The following CSMD3 variants were observed in gnomAD, a reference collection of about 807,000 sequenced individuals.
CSMD3 encodes CUB and Sushi multiple domains 3, also known as CUB and sushi domain-containing protein 3.
CSMD3 carries 177 observed loss-of-function variants against 435.2 expected under a neutral mutation model. The observed-to-expected ratio is 0.41, with a 90% CI of 0.36 to 0.46. The LOEUF (loss-of-function observed/expected upper bound fraction) is 0.46. CSMD3 is among the 20% of genes least tolerant of loss of function. CSMD3 has a pLI of 0.34. For missense variants in CSMD3, 4,265 were observed against 4,504.6 expected (o/e 0.95, Z 1.52); for synonymous variants, 1,656 against 1,520.5 (o/e 1.09, Z -2.07).
At chr8:112,260,401 G>A (rs73709203) in intron 61 of CSMD3, among the ~76,000 whole-genome samples, 4,525 of 152,204 alleles carry the variant, frequency 0.03, 235 homozygotes, top group African/African-American at 0.1. Context: ...AAAATGTCAT[G>A]ACTAATCCTA....
chr8:113,094,202 T>C (rs2090093622), intron 5 of CSMD3, among the ~76,000 whole-genome samples: 2 of 152,190 alleles, frequency 1.3e-5, no homozygotes. Context: ...CAATCACTCA[T>C]TCCCTAACTT....
intron 17 of CSMD3, among the ~76,000 whole-genome samples, chr8:112,662,835 C>T (rs2075420178): frequency 6.6e-6 from 1 of 152,082 alleles, no homozygotes; most frequent in Admixed American, 6.6e-5. Context: ...AAGAAAAAAA[C>T]TAACAACTCC....
chr8:112,814,539 T>C (rs1188845885), intron 12 of CSMD3, among the ~76,000 whole-genome samples: 1 of 152,140 alleles, frequency 6.6e-6, no homozygotes, highest in African/African-American at 2.4e-5. Context: ...TCCCAGCACT[T>C]TGGGAGACCG....
chr8:113,098,603 A>G (rs1421067091), intron 5 of CSMD3, 153 bp downstream of exon 5: 2 of 623,254 alleles, frequency 3.2e-6, no homozygotes, highest in African/African-American at 3.7e-5. Flanking sequence ...TCGATCTTCA[A>G]AAATATCCTT....
intron 38 of CSMD3, among the ~76,000 whole-genome samples, chr8:112,378,315 C>G (rs1829146665): frequency 6.6e-6 from 1 of 151,708 alleles, no homozygotes. Flanking sequence ...AAAAATCTCA[C>G]TGCCGGATAT....
At chr8:112,596,285 G>T (rs1176670378) in intron 22 of CSMD3, among the ~76,000 whole-genome samples, 2 of 152,138 alleles carry the variant, frequency 1.3e-5, no homozygotes, top group East Asian at 3.9e-4. Context: ...TTACATAATG[G>T]TAAAGGGATC....
At chr8:112,275,378 T>C (rs1817945092) in intron 59 of CSMD3, among the ~76,000 whole-genome samples, 1 of 151,972 alleles carries the variant, frequency 6.6e-6, no homozygotes, top group Non-Finnish European at 1.5e-5. Context: ...CGAAACCCTG[T>C]CTCTACTAAA....
At chr8:113,066,372 G>A (rs2088860217) in intron 5 of CSMD3, among the ~76,000 whole-genome samples, 1 of 151,848 alleles carries the variant, frequency 6.6e-6, no homozygotes, top group Admixed American at 6.6e-5. Flanking sequence ...GTGAGGTATG[G>A]AAGTAGAGGA....
Position 112,962,329 on chromosome 8 carries a change from T to C in CSMD3, c.1343-7568A>G, listed in dbSNP as rs531422901. Among the ~76,000 whole-genome samples the C allele has an allele frequency of 2.0e-3, 299 of 151,984 alleles. 3 individuals are homozygous for C. The highest frequency in any genetic ancestry group is 2.0e-3 in the Non-Finnish European group (138 of 67,850). ...ATATTTTCTTACTCATGATAAAATA[T>C]TATTACATTAAATATTTGTTTCGCA... is the stretch of plus-strand genomic sequence containing the variant. On this transcript the variant is annotated intron_variant, in intron 7 of 70. Transcript: ENST00000297405.
intron 1 of CSMD3, among the ~76,000 whole-genome samples, chr8:113,435,719 G>T (rs1323528895): frequency 6.6e-6 from 1 of 152,046 alleles, no homozygotes. Flanking sequence ...AGAGGTGATT[G>T]TTCAAAAAAT....
intron 28 of CSMD3, among the ~76,000 whole-genome samples, chr8:112,507,199 C>T (rs1041399635): frequency 1.3e-5 from 2 of 152,012 alleles, no homozygotes; most frequent in Non-Finnish European, 2.9e-5. Context: ...AAAACAAAAC[C>T]TCTAATAATA....
intron 13 of CSMD3, among the ~76,000 whole-genome samples, chr8:112,772,563 A>G (rs1456099027): frequency 6.6e-6 from 1 of 152,052 alleles, no homozygotes; most frequent in Non-Finnish European, 1.5e-5. Flanking sequence ...GGGAAGGGAA[A>G]GACCTGAAGT....
chr8:112,866,809 G>A (rs1012360347), intron 10 of CSMD3, among the ~76,000 whole-genome samples: 1 of 152,070 alleles, frequency 6.6e-6, no homozygotes, highest in Non-Finnish European at 1.5e-5. Flanking sequence ...GACAAAACAG[G>A]CCATATTATT....
intron 9 of CSMD3, among the ~76,000 whole-genome samples, chr8:112,938,963 A>C (rs953531944): frequency 1.3e-5 from 2 of 152,152 alleles, no homozygotes; most frequent in African/African-American, 4.8e-5. Context: ...GTGTTAATAC[A>C]TTTAAAAAAT....
chr8:112,313,333 T>G (rs1822156806), intron 49 of CSMD3, among the ~76,000 whole-genome samples: 1 of 152,268 alleles, frequency 6.6e-6, no homozygotes, highest in East Asian at 1.9e-4. Context: ...AAATGATGTG[T>G]TACTCTCTCT....
At chr8:112,681,420 T>C (rs747913707) in intron 16 of CSMD3, among the ~76,000 whole-genome samples, 8 of 152,146 alleles carry the variant, frequency 5.3e-5, no homozygotes, top group African/African-American at 7.2e-5. Context: ...AATTAAAATT[T>C]AGAATGTTAA....
intron 1 of CSMD3, among the ~76,000 whole-genome samples, chr8:113,371,739 C>T (rs2094347123): frequency 6.6e-6 from 1 of 152,030 alleles, no homozygotes; most frequent in South Asian, 2.1e-4. Flanking sequence ...GTGTCAGCCA[C>T]TCAATTTGGA....
At chr8:112,664,687 A>C (rs565196916) in intron 17 of CSMD3, among the ~76,000 whole-genome samples, 41 of 152,280 alleles carry the variant, frequency 2.7e-4, no homozygotes, top group African/African-American at 9.4e-4. Flanking sequence ...TAATTAAGGT[A>C]AAGTGAGATC....
chr8:112,427,141 A>G (rs1404006884), intron 32 of CSMD3, among the ~76,000 whole-genome samples: 1 of 152,194 alleles, frequency 6.6e-6, no homozygotes, highest in Admixed American at 6.5e-5. Flanking sequence ...CCTGTCTTGA[A>G]GGAGGCAACA....
Sources: allele counts gnomAD v4.1 joint callset (sites outside exome capture counted in the v4.1 genomes callset), GRCh38; gene constraint gnomAD v4.1.1; transcripts MANE v1.5; gene names NCBI Gene and HGNC (gene_info 2026-07-23, HGNC 2026-07-21).